DIP2C: variants seen among roughly 807,000 people sequenced by gnomAD.
DIP2C encodes the protein DIP2 acetate--CoA ligase C (putative).
In DIP2C, 33 loss-of-function variants were observed where a neutral mutation model predicts 192.4. That is an observed-to-expected ratio of 0.17 (90% CI 0.13 to 0.23). The LOEUF (loss-of-function observed/expected upper bound fraction) is 0.23. Ranked by LOEUF, DIP2C falls within the 10% of genes least tolerant of loss-of-function variation. The pLI is 1.00. For synonymous variants in DIP2C, 979 were observed against 864.1 expected, an observed-to-expected ratio of 1.13 and a Z score of -2.33; for missense variants, 1,537 against 2,110.1, an observed-to-expected ratio of 0.73 and a Z score of 5.32.
At chr10:454,563 C>T (rs1969128800) in intron 3 of DIP2C, among the ~76,000 whole-genome samples, 1 of 121,368 alleles carries the variant, frequency 8.2e-6, no homozygotes, top group South Asian at 2.2e-4. Context: ...ACAAATGCAC[C>T]ATCTATGCTT....
chr10:631,689 C>G (rs1854528317), intron 1 of DIP2C, among the ~76,000 whole-genome samples: 1 of 152,166 alleles, frequency 6.6e-6, no homozygotes, highest in South Asian at 2.1e-4. Flanking sequence ...TGTCACTTCT[C>G]CAGCCAACCC....
At chr10:477,904 G>A (rs189424287) in intron 2 of DIP2C, among the ~76,000 whole-genome samples, 5 of 114,320 alleles carry the variant, frequency 4.4e-5, no homozygotes, top group South Asian at 3.3e-4. Flanking sequence ...GGAAAAGAGA[G>A]GGAAAGAAAA....
intron 9 of DIP2C, 49 bp downstream of exon 9, chr10:408,877 C>A: frequency 6.3e-7 from 1 of 1,591,332 alleles, no homozygotes; most frequent in Non-Finnish European, 8.6e-7. Flanking sequence ...GCACCTTTTC[C>A]CACAGGACTC....
chr10:559,688 T>TGCCC (rs529222218), intron 1 of DIP2C, among the ~76,000 whole-genome samples: 1 of 152,162 alleles, frequency 6.6e-6, no homozygotes, highest in South Asian at 2.1e-4. Context: ...GCTACCCACA[T>TGCCC]GCCCCTCAGG....
At chr10:316,892 A>C (rs1205885502) in intron 31 of DIP2C, among the ~76,000 whole-genome samples, 1 of 152,166 alleles carries the variant, frequency 6.6e-6, no homozygotes, top group Non-Finnish European at 1.5e-5. Context: ...CTGCCATGGG[A>C]AAAACCACAT....
intron 1 of DIP2C, among the ~76,000 whole-genome samples, chr10:611,792 G>T (rs1853118294): frequency 6.6e-6 from 1 of 152,136 alleles, no homozygotes; most frequent in Admixed American, 6.5e-5. Flanking sequence ...TCAAACACCA[G>T]CTGAATTCGT....
chr10:448,779 C>A (rs371394015), intron 3 of DIP2C, among the ~76,000 whole-genome samples: 1 of 139,926 alleles, frequency 7.1e-6, no homozygotes, highest in African/African-American at 2.8e-5. Flanking sequence ...CCTGTCGATA[C>A]TCAGGATCAC....
intron 1 of DIP2C, among the ~76,000 whole-genome samples, chr10:564,118 G>A (rs1849345615): frequency 1.3e-5 from 2 of 152,134 alleles, no homozygotes; most frequent in Admixed American, 6.5e-5. Flanking sequence ...AAAAGACTTA[G>A]GGGAGCAAAT....
At chr10:444,339 C>T (rs148583930) in intron 3 of DIP2C, among the ~76,000 whole-genome samples, 18 of 117,270 alleles carry the variant, frequency 1.5e-4, no homozygotes, top group African/African-American at 7.0e-4. Flanking sequence ...GATTCTCCAC[C>T]GTCACATGGA....
chr10:638,415 T>TG (rs1854952981), intron 1 of DIP2C, among the ~76,000 whole-genome samples: 1 of 152,220 alleles, frequency 6.6e-6, no homozygotes, highest in African/African-American at 2.4e-5. Flanking sequence ...CAGCAGGGTT[T>TG]GCTTCAGTTG....
intron 1 of DIP2C, among the ~76,000 whole-genome samples, chr10:681,304 C>G (rs1235279582): frequency 6.6e-6 from 1 of 151,568 alleles, no homozygotes; most frequent in Non-Finnish European, 1.5e-5. Context: ...GAACACAGAC[C>G]CTCAGTCACA....
At chr10:407,287 G>T (rs1964874089) in intron 9 of DIP2C, among the ~76,000 whole-genome samples, 1 of 152,218 alleles carries the variant, frequency 6.6e-6, no homozygotes, top group Non-Finnish European at 1.5e-5. Flanking sequence ...GTTCATCCAT[G>T]TGTTATGTGT....
At chr10:331,473 T>C (rs1342550124) in intron 29 of DIP2C, among the ~76,000 whole-genome samples, 1 of 152,214 alleles carries the variant, frequency 6.6e-6, no homozygotes, top group Non-Finnish European at 1.5e-5. Flanking sequence ...CAACCATGAA[T>C]CAAAGATATT....
intron 4 of DIP2C, among the ~76,000 whole-genome samples, chr10:430,776 T>C (rs187069938): frequency 6.6e-6 from 1 of 152,242 alleles, no homozygotes; most frequent in South Asian, 2.1e-4. Context: ...TTACCTTATC[T>C]TCTAAGAATT....
At chr10:490,800 G>T (rs545904335) in intron 1 of DIP2C, among the ~76,000 whole-genome samples, 1 of 152,174 alleles carries the variant, frequency 6.6e-6, no homozygotes, top group Non-Finnish European at 1.5e-5. Flanking sequence ...CTTTCCGTAA[G>T]AATTAAAATT....
intron 3 of DIP2C, among the ~76,000 whole-genome samples, chr10:464,745 A>G (rs1970070178): frequency 6.6e-6 from 1 of 152,266 alleles, no homozygotes; most frequent in Non-Finnish European, 1.5e-5. Context: ...CCCATCAATG[A>G]TAGACTGGAT....
intron 1 of DIP2C, among the ~76,000 whole-genome samples, chr10:543,260 A>C (rs1848105877): frequency 6.6e-6 from 1 of 152,218 alleles, no homozygotes; most frequent in Admixed American, 6.5e-5. Context: ...TGCCTTCACC[A>C]GCTTTGTGCG....
At position 590,942 on chromosome 10, in the gene DIP2C, C is replaced by G. The variant is rs1466425773; in HGVS notation, c.85+98552G>C. 2.0e-5 allele frequency among the ~76,000 whole-genome samples: 3 copies of G among 152,156 alleles called. No individual in the cohort carries two copies. The East Asian group carries it at 5.8e-4, about 29-fold the overall frequency. ...CCCCCTCGGTCTCCGAGCCTCCAGT[C>G]TGTCCCCCACCAGGTTCTTCTGCCG... On this transcript the variant is annotated intron_variant, in intron 1 of 36. Coordinates refer to ENST00000280886, the MANE Select transcript of DIP2C (RefSeq NM_014974.3).
rs1014992793 is a variant in DIP2C at position 583,213 on chromosome 10, G to A, written c.86-96683C>T. Reference sequence around the variant, plus strand: ...TTGTACTCCAAGTGCATCTGCAAACGCAGTTTTCTTCTGAAAAGCCAAGGG... The same window carrying A: ...TTGTACTCCAAGTGCATCTGCAAACACAGTTTTCTTCTGAAAAGCCAAGGG... On this transcript the variant is annotated intron_variant, in intron 1 of 36. Transcript: ENST00000280886. Among the ~76,000 whole-genome samples the A allele has an allele frequency of 8.6e-5, 13 of 151,970 alleles. No homozygotes were observed. In the East Asian group the frequency reaches 1.9e-3, roughly 23 times the overall value.
Sources: allele counts gnomAD v4.1 joint callset (sites outside exome capture counted in the v4.1 genomes callset), GRCh38; gene constraint gnomAD v4.1.1; transcripts MANE v1.5; gene names NCBI Gene and HGNC (gene_info 2026-07-23, HGNC 2026-07-21).